The following FMN1 variants were observed in gnomAD, a reference collection of about 807,000 sequenced individuals.
FMN1 encodes formin 1, also known as formin-1.
In FMN1, 110 loss-of-function variants were observed where a neutral mutation model predicts 132.4. The observed-to-expected ratio is 0.83, with a 90% confidence interval of 0.71 to 0.97. The LOEUF (loss-of-function observed/expected upper bound fraction) is 0.97. Ranked by LOEUF, FMN1 falls within the 50% of genes least tolerant of loss-of-function variation. The pLI, the probability that FMN1 is intolerant of heterozygous loss-of-function variation, is 0.00. For synonymous variants in FMN1, 722 were observed against 651.7 expected, an observed-to-expected ratio of 1.11 and a Z score of -1.64; for missense variants, 1,792 against 1,705.3, an observed-to-expected ratio of 1.05 and a Z score of -0.90.
At chr15:32,951,605 T>C (rs912981215) in intron 9 of FMN1, among the ~76,000 whole-genome samples, 2 of 152,200 alleles carry the variant, frequency 1.3e-5, no homozygotes, top group African/African-American at 4.8e-5. Context: ...TCATTATTCT[T>C]ATTCCCAGTT....
intron 6 of FMN1, among the ~76,000 whole-genome samples, chr15:33,023,480 T>C (rs1047913746): frequency 7.9e-5 from 12 of 152,136 alleles, no homozygotes; most frequent in African/African-American, 2.9e-4. Context: ...ACAATAATGA[T>C]AGTAGCAACA....
chr15:33,144,897 T>A (rs1293102732), intron 4 of FMN1, among the ~76,000 whole-genome samples: 1 of 152,224 alleles, frequency 6.6e-6, no homozygotes, highest in Non-Finnish European at 1.5e-5. Flanking sequence ...CAATGATGTG[T>A]AATTATAATA....
chr15:33,077,998 G>A (rs1460939776), intron 5 of FMN1, among the ~76,000 whole-genome samples: 2 of 152,122 alleles, frequency 1.3e-5, no homozygotes, highest in Admixed American at 1.3e-4. Context: ...ACAGGTGCTG[G>A]AGAGGATGTG....
intron 9 of FMN1, among the ~76,000 whole-genome samples, chr15:32,933,717 T>G (rs1328227728): frequency 6.6e-6 from 1 of 152,120 alleles, no homozygotes; most frequent in African/African-American, 2.4e-5. Flanking sequence ...GTGTCCTTCT[T>G]TTTCTTTTGT....
intron 16 of FMN1, among the ~76,000 whole-genome samples, chr15:32,870,185 C>T (rs955804545): frequency 3.3e-5 from 5 of 152,068 alleles, no homozygotes; most frequent in Non-Finnish European, 5.9e-5. Flanking sequence ...TAGAAAGATT[C>T]TTCCTTTAAT....
intron 15 of FMN1, among the ~76,000 whole-genome samples, chr15:32,890,122 G>A (rs2059991002): frequency 6.7e-6 from 1 of 149,296 alleles, no homozygotes; most frequent in East Asian, 2.0e-4. Context: ...TTATGGCTGA[G>A]TAGTATTCGA....
intron 6 of FMN1, among the ~76,000 whole-genome samples, chr15:33,057,363 A>G (rs1413213803): frequency 6.6e-6 from 1 of 152,168 alleles, no homozygotes; most frequent in African/African-American, 2.4e-5. Flanking sequence ...TCAGAGCTAT[A>G]TACTCTTGTG....
intron 7 of FMN1, among the ~76,000 whole-genome samples, chr15:32,994,249 C>G (rs1019706418): frequency 4.0e-5 from 6 of 151,662 alleles, no homozygotes; most frequent in Admixed American, 6.6e-5. Context: ...CACACACACA[C>G]AGACACACAC....
chr15:33,040,159 T>C (rs1482740867), intron 6 of FMN1, among the ~76,000 whole-genome samples: 1 of 152,256 alleles, frequency 6.6e-6, no homozygotes, highest in Non-Finnish European at 1.5e-5. Context: ...AGTGCTACTC[T>C]GTCTTTGCTC....
intron 6 of FMN1, among the ~76,000 whole-genome samples, chr15:33,019,935 G>A (rs980179749): frequency 6.6e-6 from 1 of 152,246 alleles, no homozygotes; most frequent in Non-Finnish European, 1.5e-5. Flanking sequence ...GGGTGCAGTG[G>A]TGGGCTGAAG....
At chr15:33,161,418 A>G (rs1240375268) in intron 3 of FMN1, among the ~76,000 whole-genome samples, 1 of 152,086 alleles carries the variant, frequency 6.6e-6, no homozygotes, top group East Asian at 1.9e-4. Context: ...CGTGCCCTCT[A>G]ATGAAGACCA....
At chr15:32,884,999 A>AT (rs1357488682) in intron 16 of FMN1, among the ~76,000 whole-genome samples, 1 of 152,202 alleles carries the variant, frequency 6.6e-6, no homozygotes, top group Non-Finnish European at 1.5e-5. Flanking sequence ...CTGTGCAGAC[A>AT]TTATTTCCTA....
chr15:32,950,676 T>C (rs2061631594), intron 9 of FMN1, among the ~76,000 whole-genome samples: 1 of 152,054 alleles, frequency 6.6e-6, no homozygotes, highest in Non-Finnish European at 1.5e-5. Flanking sequence ...CAACATACAC[T>C]GGGGCCTATT....
At chr15:33,077,965 G>C (rs369567244) in intron 5 of FMN1, among the ~76,000 whole-genome samples, 1 of 152,154 alleles carries the variant, frequency 6.6e-6, no homozygotes, top group South Asian at 2.1e-4. Flanking sequence ...TTAGAATGGC[G>C]ATCATTAAAA....
At chr15:33,087,481 G>T (rs988227813) in intron 5 of FMN1, among the ~76,000 whole-genome samples, 1 of 152,164 alleles carries the variant, frequency 6.6e-6, no homozygotes, top group Non-Finnish European at 1.5e-5. Context: ...GGGAGGCAGA[G>T]GTTGCAATGA....
intron 3 of FMN1, among the ~76,000 whole-genome samples, chr15:33,159,488 T>A (rs1001950054): frequency 6.6e-6 from 1 of 152,108 alleles, no homozygotes; most frequent in Admixed American, 6.6e-5. Context: ...TTAGAAGGAA[T>A]CATACAGTAT....
At chr15:32,803,199 T>C (rs1238389606) in intron 18 of FMN1, among the ~76,000 whole-genome samples, 3 of 152,194 alleles carry the variant, frequency 2.0e-5, no homozygotes, top group Admixed American at 2.0e-4. Flanking sequence ...TCTCACACAT[T>C]TGTAAAGCTC....
intron 16 of FMN1, among the ~76,000 whole-genome samples, chr15:32,887,636 C>T (rs1319484491): frequency 6.6e-6 from 1 of 152,040 alleles, no homozygotes; most frequent in South Asian, 2.1e-4. Context: ...GTATGATATA[C>T]ATATATATTT....
At chr15:32,888,389 T>C in intron 15 of FMN1, 97 bp from the exon 16 acceptor site, 4 of 1,147,888 alleles carry the variant, frequency 3.5e-6, no homozygotes, top group South Asian at 3.5e-5. Flanking sequence ...AGCTTTTTTA[T>C]TGGATGTCTG....
Sources: allele counts gnomAD v4.1 joint callset (sites outside exome capture counted in the v4.1 genomes callset), GRCh38; gene constraint gnomAD v4.1.1; transcripts MANE v1.5; gene names NCBI Gene and HGNC (gene_info 2026-07-23, HGNC 2026-07-21).